Variants in ACAA1 observed in about 807,000 individuals in gnomAD.
The protein encoded by ACAA1 is 3-ketoacyl-CoA thiolase, peroxisomal.
A neutral mutation model predicts 48.8 loss-of-function variants in ACAA1; 44 were observed. That is an observed-to-expected ratio of 0.90 (90% CI 0.71 to 1.16). The LOEUF (loss-of-function observed/expected upper bound fraction) is 1.16. Ranked by LOEUF, ACAA1 falls within the 50% of genes most tolerant of loss-of-function variation. The probability of loss-of-function intolerance (pLI) is 0.00; values close to 1 mark genes in which losing one functional copy is unlikely to be tolerated. For synonymous variants in ACAA1, 233 were observed against 226.5 expected, an observed-to-expected ratio of 1.03 and a Z score of -0.26; for missense variants, 512 against 562.3, an observed-to-expected ratio of 0.91 and a Z score of 0.90.
chr3:38,131,595 C>T lies in ACAA1; in HGVS notation c.446+1G>A. 2 of 1,614,082 alleles carry T rather than the reference C, an allele frequency of 1.2e-6. No homozygotes were observed. The highest frequency in any genetic ancestry group is 1.7e-6 in the Non-Finnish European group (2 of 1,179,948). Reference sequence around the variant, plus strand: ...AAGCTCCGGCAGAAAAAAATTCTTACCCACAGGCCATGCCAATGTCATAAG... The same window carrying T: ...AAGCTCCGGCAGAAAAAAATTCTTATCCACAGGCCATGCCAATGTCATAAG... On this transcript the variant is annotated splice_donor_variant, in intron 5 of 11. Transcript: ENST00000333167. LOFTEE classifies it high-confidence loss of function.
At chr3:38,132,141 A>T in intron 3 of ACAA1, 136 bp from the exon 4 acceptor site, 2 of 672,796 alleles carry the variant, frequency 3.0e-6, no homozygotes, top group Non-Finnish European at 2.5e-6. Context: ...CTCTGCTCCC[A>T]TGCCAGGCCA....
At chr3:38,134,888 C>T (rs900751123) in intron 2 of ACAA1, among the ~76,000 whole-genome samples, 4 of 151,910 alleles carry the variant, frequency 2.6e-5, no homozygotes, top group Admixed American at 6.6e-5. Context: ...TCCCCCAGCC[C>T]GACACCTGTA....
chr3:38,130,557 T>C (rs1700766718), intron 5 of ACAA1, among the ~76,000 whole-genome samples: 1 of 152,222 alleles, frequency 6.6e-6, no homozygotes, highest in Non-Finnish European at 1.5e-5. Context: ...GCCTGTGATG[T>C]GGGTGTCAGG....
chr3:38,135,841 C>T (rs575703716), intron 2 of ACAA1, among the ~76,000 whole-genome samples: 1 of 152,124 alleles, frequency 6.6e-6, no homozygotes, highest in African/African-American at 2.4e-5. Flanking sequence ...AGGCCTTCCT[C>T]TTTTACTAAT....
chr3:38,133,645 A>G (rs1007749172), intron 3 of ACAA1: 2 of 391,466 alleles, frequency 5.1e-6, no homozygotes, highest in Non-Finnish European at 9.3e-6. Context: ...CAGCATTCTT[A>G]CTTGATTACT....
chr3:38,130,844 G>A (rs897335813), intron 5 of ACAA1, among the ~76,000 whole-genome samples: 5 of 152,174 alleles, frequency 3.3e-5, no homozygotes, highest in East Asian at 1.9e-4. Context: ...CCAGCAATGC[G>A]TCCTCTCAAG....
Position 38,127,878 on chromosome 3 carries a change from A to C in ACAA1, c.546-12T>G. Reference sequence around the variant, plus strand: ...TCTCAGAGGTTATCCTAGAACACAAACAGCAGATAGTGTGGGCATTGGTCT... The same window carrying C: ...TCTCAGAGGTTATCCTAGAACACAACCAGCAGATAGTGTGGGCATTGGTCT... On this transcript the variant is annotated splice_polypyrimidine_tract_variant and intron_variant, in intron 6 of 11. Coordinates refer to ENST00000333167, the MANE Select transcript of ACAA1 (RefSeq NM_001607.4). 1 of 1,613,444 alleles carries C rather than the reference A, an allele frequency of 6.2e-7. No homozygotes were observed. The highest frequency in any genetic ancestry group is 8.5e-7 in the Non-Finnish European group (1 of 1,179,410).
Position 38,134,490 on chromosome 3 carries a change from A to G in ACAA1, c.266-481T>C, listed in dbSNP as rs1466083812. ...GGCTGGACTGAAGATTGTGGGGAAA[A>G]GAAAGATCAGATTGTTACCGTGTGT... is the stretch of plus-strand genomic sequence containing the variant. On this transcript the variant is annotated intron_variant, in intron 2 of 11. Coordinates refer to ENST00000333167, the MANE Select transcript of ACAA1 (RefSeq NM_001607.4). 1.1e-5 allele frequency: 5 copies of G among 457,562 alleles called. No individual in the cohort carries two copies. In the East Asian group the frequency reaches 3.5e-4, roughly 32 times the overall value. 28.3% of individuals were successfully genotyped at this position (457,562 alleles called of 1,614,324 possible). A position where few individuals can be genotyped will look rare whatever the true frequency, so the allele number is the denominator to read the frequency against.
At position 38,126,134 on chromosome 3, in the gene ACAA1, C is replaced by T. The variant is rs367927848; in HGVS notation, c.997+28G>A. Reference sequence around the variant, plus strand: ...GCAGCTGCAGGATCCAGGTGGGACCCAGATACTATATGAAGGAGCCACCTT... The same window carrying T: ...GCAGCTGCAGGATCCAGGTGGGACCTAGATACTATATGAAGGAGCCACCTT... On this transcript the variant is annotated intron_variant, in intron 9 of 11. Coordinates refer to ENST00000333167, the MANE Select transcript of ACAA1 (RefSeq NM_001607.4). This position sits in a 1 kb window ranked among gnomAD's most constrained non-coding sequence, Gnocchi z 4.7. 6.2e-7 allele frequency: 1 copy of T among 1,606,590 alleles called. No individual in the cohort carries two copies. Among genetic ancestry groups the T allele is most frequent in the East Asian group, 2.2e-5 (1 of 44,836 alleles).
chr3:38,126,679 C>G lies in ACAA1; in HGVS notation c.648G>C (p.Lys216Asn), dbSNP rs1202384989. ...SQQKAARAQSKGCFQAEIVPV... is the reference protein window; with the variant it reads ...SQQKAARAQSNGCFQAEIVPV... ...GCACAATCTCAGCTTGGAAACAGCCCTTGCTCTGGGCTCTTGCTGCCCTGC... is the reference window on the plus strand; with the variant it reads ...GCACAATCTCAGCTTGGAAACAGCCGTTGCTCTGGGCTCTTGCTGCCCTGC... The change falls in exon 8 of 12, where the codon AAG becomes AAC. Residue 216 changes from lysine (K) to asparagine (N), a missense_variant. Physicochemically the swap from Lys to Asn is moderately conservative, Grantham distance 94. Coordinates refer to ENST00000333167, the MANE Select transcript of ACAA1 (RefSeq NM_001607.4). This position sits in a 1 kb window ranked among gnomAD's most constrained non-coding sequence, Gnocchi z 4.7. The G allele has an allele frequency of 1.2e-6, 2 of 1,613,918 alleles. No homozygotes were observed. The highest frequency in any genetic ancestry group is 2.2e-5 in the South Asian group (2 of 91,072).
At chr3:38,127,537 CAG>C (rs1223856654) in intron 7 of ACAA1, 53 of 549,504 alleles carry the variant, frequency 9.6e-5, no homozygotes, top group Middle Eastern at 4.9e-4. Context: ...CAGAAAATAA[CAG>C]AGGGGGAAAC....
chr3:38,136,753 C>A (rs562996073), intron 1 of ACAA1, 68 bp from the exon 2 acceptor site: 16 of 1,510,134 alleles, frequency 1.1e-5, no homozygotes, highest in Non-Finnish European at 1.4e-5. Context: ...ACAAAGCGAC[C>A]ACAGCTGGGT....
intron 7 of ACAA1, 47 bp downstream of exon 7, chr3:38,127,739 A>G: frequency 6.3e-7 from 1 of 1,591,728 alleles, no homozygotes; most frequent in South Asian, 1.1e-5. Context: ...TAGACTCAAA[A>G]CCTCACTCTC....
At position 38,136,715 on chromosome 3, in the gene ACAA1, C is replaced by T. The variant is rs754078350; in HGVS notation, c.172-30G>A. ...AGCAGAAAGAGCAGCCGCAGTGACC[C>T]CCACTCCCCCATGCCCACCCCAGGG... On this transcript the variant is annotated intron_variant, in intron 1 of 11. Transcript: ENST00000333167. 6.3e-6 allele frequency: 10 copies of T among 1,576,740 alleles called. No individual in the cohort carries two copies. In the Admixed American group the frequency reaches 1.2e-4, roughly 20 times the overall value.
At chr3:38,123,183 G>C in intron 11 of ACAA1, 61 bp from the exon 12 acceptor site, 1 of 1,529,542 alleles carries the variant, frequency 6.5e-7, no homozygotes, top group Non-Finnish European at 9.1e-7. Context: ...TCCAGACCAG[G>C]CTGACCCAGA....
intron 3 of ACAA1, 98 bp from the exon 4 acceptor site, chr3:38,132,103 G>A: frequency 1.8e-6 from 2 of 1,101,058 alleles, no homozygotes; most frequent in Non-Finnish European, 2.7e-6. Context: ...CTCAAGGGAT[G>A]TAAAGGGCAG....
chr3:38,125,560 C>T lies in ACAA1; in HGVS notation c.1199+5G>A. ...ATGACCCCACCGCCAGGAGCAAAGC[C>T]TTACCTCTTCCCACGGCGCTTCAGC... On this transcript the variant is annotated splice_donor_5th_base_variant and intron_variant, in intron 11 of 11. Transcript: ENST00000333167. 1 of 1,539,534 alleles carries T rather than the reference C, an allele frequency of 6.5e-7. No homozygotes were observed. The highest frequency in any genetic ancestry group is 8.7e-7 in the Non-Finnish European group (1 of 1,144,592).
At position 38,126,639 on chromosome 3, in the gene ACAA1, C is replaced by A. The variant is rs1370106310; in HGVS notation, c.688G>T (p.Val230Phe). ...QAEIVPVTTT[V>F]HDDKGTKRSI... ...CTCTTGGTGCCCTTGTCATCATGGA[C>A]CGTGGTGGTCACAGGCACAATCTCA... Residue 230 changes from valine (V) to phenylalanine (F), a missense_variant, in exon 8 of 12, where the codon GTC (valine) becomes TTC (phenylalanine). Val to Phe is a conservative substitution (Grantham distance 50, BLOSUM62 -1). Transcript: ENST00000333167. The surrounding 1 kb of genome is among the most constrained non-coding windows in gnomAD (Gnocchi z 4.7). The A allele has an allele frequency of 6.2e-7, 1 of 1,614,168 alleles. No individual in the cohort carries two copies. The highest frequency in any genetic ancestry group is 8.5e-7 in the Non-Finnish European group (1 of 1,180,010).
Position 38,127,940 on chromosome 3 carries a change from GCTTGGAACT to G in ACAA1, c.546-83_546-75del, listed in dbSNP as rs1268027965. On this transcript the variant is annotated intron_variant, in intron 6 of 11. Transcript: ENST00000333167. ...GGAAGGGACCAGGCTGTAGAGCTGT[GCTTGGAACT>G]TTGGGTTCCCAAGGCTGTAGGCAGG... is the stretch of plus-strand genomic sequence containing the variant. 6.0e-5 allele frequency: 92 copies of G among 1,533,198 alleles called. 1 individual carries two copies. Among genetic ancestry groups the G allele is most frequent in the South Asian group, 6.0e-4 (53 of 88,958 alleles). 95.0% of individuals were successfully genotyped at this position (1,533,198 alleles called of 1,614,324 possible). A position where few individuals can be genotyped will look rare whatever the true frequency, so the allele number is the denominator to read the frequency against.
Sources: allele counts gnomAD v4.1 joint callset (sites outside exome capture counted in the v4.1 genomes callset), GRCh38; gene constraint gnomAD v4.1.1; non-coding constraint Gnocchi (gnomAD v3.1); transcripts MANE v1.5; gene names NCBI Gene and HGNC (gene_info 2026-07-23, HGNC 2026-07-21).